Variants in PLB1 observed in about 807,000 individuals in gnomAD.
PLB1 encodes phospholipase B1, membrane-associated.
A neutral mutation model predicts 227.4 loss-of-function variants in PLB1; 242 were observed. That is an observed-to-expected ratio of 1.06 (90% CI 0.96 to 1.18). The LOEUF (loss-of-function observed/expected upper bound fraction) is 1.18. PLB1 is among the 50% of genes most tolerant of loss of function. The pLI is 0.00. For missense variants in PLB1, 1,858 were observed against 1,816.3 expected, an observed-to-expected ratio of 1.02 and a Z score of -0.42; for synonymous variants, 757 against 682.2, an observed-to-expected ratio of 1.11 and a Z score of -1.71.
At chr2:28,628,965 A>C in intron 52 of PLB1, 129 bp from the exon 53 acceptor site, 1 of 724,038 alleles carries the variant, frequency 1.4e-6, no homozygotes, top group South Asian at 1.9e-5. Context: ...TACAAGTTGC[A>C]TCCCCTCTCT....
intron 22 of PLB1, among the ~76,000 whole-genome samples, chr2:28,578,848 T>G (rs989994221): frequency 6.6e-6 from 1 of 152,184 alleles, no homozygotes; most frequent in South Asian, 2.1e-4. Flanking sequence ...TGTCAAACTT[T>G]CCTGGATCTT....
chr2:28,580,919 C>T (rs1203393364), intron 23 of PLB1, among the ~76,000 whole-genome samples: 1 of 152,070 alleles, frequency 6.6e-6, no homozygotes, highest in Non-Finnish European at 1.5e-5. Context: ...ATGCCCCAGC[C>T]CCCAGGCCCC....
chr2:28,545,400 C>T (rs567953825), intron 14 of PLB1, among the ~76,000 whole-genome samples: 6 of 152,276 alleles, frequency 3.9e-5, no homozygotes, highest in South Asian at 2.1e-4. Flanking sequence ...GTTCCCGGAT[C>T]GAGCACAGCT....
intron 23 of PLB1, 101 bp from the exon 24 acceptor site, chr2:28,581,967 A>G (rs1680091208): frequency 1.3e-5 from 15 of 1,134,998 alleles, no homozygotes; most frequent in East Asian, 2.6e-5. Context: ...TCTCAAAAAA[A>G]GAAAAAAAAA....
intron 44 of PLB1, among the ~76,000 whole-genome samples, chr2:28,615,943 G>A (rs537513855): frequency 4.8e-4 from 73 of 152,318 alleles, no homozygotes; most frequent in Non-Finnish European, 9.0e-4. Context: ...TGAGCCTAGA[G>A]GACATTACGT....
chr2:28,525,981 C>A, intron 6 of PLB1, 36 bp downstream of exon 6: 3 of 1,611,998 alleles, frequency 1.9e-6, no homozygotes, highest in South Asian at 1.1e-5. Context: ...TTTCAGAGTG[C>A]CCCTCTCCTT....
chr2:28,607,369 G>GTGTC (rs1287918402), intron 43 of PLB1, among the ~76,000 whole-genome samples: 1 of 152,126 alleles, frequency 6.6e-6, no homozygotes, highest in East Asian at 1.9e-4. Flanking sequence ...GCTCCCCCAT[G>GTGTC]TGTCTGCTGG....
intron 13 of PLB1, 88 bp downstream of exon 13, chr2:28,541,899 G>A (rs989793793): frequency 1.2e-5 from 12 of 1,025,124 alleles, no homozygotes; most frequent in South Asian, 2.7e-5. Flanking sequence ...TTGGGAGGCC[G>A]AGGTGGGTGG....
At chr2:28,550,376 A>G (rs541468843) in intron 16 of PLB1, among the ~76,000 whole-genome samples, 1 of 151,488 alleles carries the variant, frequency 6.6e-6, no homozygotes, top group African/African-American at 2.4e-5. Flanking sequence ...GGGTTTCACC[A>G]TGTTAGCCAG....
chr2:28,634,024 A>G (rs568744305), intron 56 of PLB1, among the ~76,000 whole-genome samples: 8 of 152,238 alleles, frequency 5.3e-5, no homozygotes, highest in Admixed American at 4.6e-4. Context: ...CTGACTCACA[A>G]TATTGACTTT....
At position 28,633,009 on chromosome 2, in the gene PLB1, C is replaced by T. The variant is rs758044405; in HGVS notation, c.4068C>T (p.Ala1356=). Residue 1356 remains alanine (A), a synonymous_variant, in exon 56 of 58, where the codon GCC becomes GCT. Coordinates refer to ENST00000327757, the MANE Select transcript of PLB1 (RefSeq NM_153021.5). ...TTCACTTCTCAGACCGCGGGCATGC[C>T]GAGATGGCCATCGCACTCTGGAACA... The part of the protein sequence containing the change: ...DCFHFSDRGH[A]EMAIALWNNM... 1.1e-5 allele frequency: 18 copies of T among 1,613,908 alleles called. No individual in the cohort carries two copies. Among genetic ancestry groups the T allele is most frequent in the East Asian group, 1.1e-4 (5 of 44,866 alleles).
chr2:28,576,559 G>A (rs1275691117), intron 21 of PLB1, among the ~76,000 whole-genome samples: 12 of 152,096 alleles, frequency 7.9e-5, no homozygotes, highest in South Asian at 4.1e-4. Context: ...GTGAAATCCC[G>A]TCTCTACTAA....
At chr2:28,598,882 G>C in intron 35 of PLB1, 122 bp downstream of exon 35, 2 of 812,692 alleles carry the variant, frequency 2.5e-6, no homozygotes, top group South Asian at 1.5e-5. Context: ...TGAGGCTCAG[G>C]CTGCCCTCTT....
chr2:28,642,727 A>T, intron 57 of PLB1, 131 bp from the exon 58 acceptor site: 2 of 810,148 alleles, frequency 2.5e-6, no homozygotes, highest in Non-Finnish European at 3.8e-6. Context: ...AGGGAGCTTT[A>T]CAAAAGGGAA....
At chr2:28,569,157 T>G (rs1029721063) in intron 20 of PLB1, among the ~76,000 whole-genome samples, 1 of 152,216 alleles carries the variant, frequency 6.6e-6, no homozygotes, top group Admixed American at 6.5e-5. Context: ...AAGTCCTGGC[T>G]GCTACCCGGC....
At chr2:28,545,101 C>T (rs959144157) in intron 14 of PLB1, among the ~76,000 whole-genome samples, 1 of 152,170 alleles carries the variant, frequency 6.6e-6, no homozygotes, top group Admixed American at 6.5e-5. Context: ...TCAGAATGAG[C>T]ACGTACACAG....
Position 28,592,683 on chromosome 2 carries a change from C to T in PLB1, c.2211C>T (p.Asp737=). 6.2e-7 allele frequency: 1 copy of T among 1,614,160 alleles called. No homozygotes were observed. Among genetic ancestry groups the T allele is most frequent in the Non-Finnish European group, 8.5e-7 (1 of 1,180,036 alleles). The change falls in exon 32 of 58, where the codon GAC becomes GAT. Residue 737 remains aspartate, a synonymous_variant. Coordinates refer to ENST00000327757, the MANE Select transcript of PLB1 (RefSeq NM_153021.5). ...PTSVHALRPA[D]IQVVAALGDS... Reference sequence around the variant, plus strand: ...CAGTGCATGCCCTGAGACCTGCAGACATCCAAGTTGTGGCTGCTCTGGGGG... The same window carrying T: ...CAGTGCATGCCCTGAGACCTGCAGATATCCAAGTTGTGGCTGCTCTGGGGG...
intron 29 of PLB1, among the ~76,000 whole-genome samples, chr2:28,590,417 G>A (rs955944098): frequency 1.3e-5 from 2 of 152,100 alleles, no homozygotes; most frequent in African/African-American, 2.4e-5. Context: ...CAGATGGGGC[G>A]GAAGGATCCC....
At chr2:28,621,662 C>T (rs952703956) in intron 49 of PLB1, among the ~76,000 whole-genome samples, 4 of 152,136 alleles carry the variant, frequency 2.6e-5, no homozygotes, top group African/African-American at 7.2e-5. Context: ...ACCAGGGAAA[C>T]GACACTGGCT....
Sources: allele counts gnomAD v4.1 joint callset (sites outside exome capture counted in the v4.1 genomes callset), GRCh38; gene constraint gnomAD v4.1.1; transcripts MANE v1.5; gene names NCBI Gene and HGNC (gene_info 2026-07-23, HGNC 2026-07-21).